The following SLC7A1 variants were observed in gnomAD, a reference collection of about 807,000 sequenced individuals.
SLC7A1 encodes high affinity cationic amino acid transporter 1.
In SLC7A1, 10 loss-of-function variants were observed where a neutral mutation model predicts 53.9. The ratio of observed to expected loss-of-function variants is 0.19; its 90% confidence interval spans 0.11 to 0.31. SLC7A1 has a LOEUF of 0.31. SLC7A1 is among the 10% of genes least tolerant of loss of function. The pLI is 1.00. For missense variants in SLC7A1, 525 were observed against 827.2 expected, an observed-to-expected ratio of 0.63 and a Z score of 4.48; for synonymous variants, 342 against 338.7, an observed-to-expected ratio of 1.01 and a Z score of -0.11.
At position 29,511,518 on chromosome 13, in the gene SLC7A1, G is replaced by C. The variant is rs749691136; in HGVS notation, c.*2962C>G. Reference sequence around the variant, plus strand: ...TGTGAGCAGGGATGATAAGTAGAGTGGGGGGTGTGTAGAGGCCTGGTCTCC... The same window carrying C: ...TGTGAGCAGGGATGATAAGTAGAGTCGGGGGTGTGTAGAGGCCTGGTCTCC... On this transcript the variant is annotated 3_prime_UTR_variant, in exon 13 of 13. Coordinates refer to ENST00000380752, the MANE Select transcript of SLC7A1 (RefSeq NM_003045.5). 1.6e-4 allele frequency: 24 copies of C among 152,234 alleles called. No homozygotes were observed. Among genetic ancestry groups the C allele is most frequent in the Admixed American group, 5.2e-4 (8 of 15,286 alleles). 9.4% of individuals were successfully genotyped at this position (152,234 alleles called of 1,614,324 possible).
intron 2 of SLC7A1, 69 bp downstream of exon 2, chr13:29,553,692 T>C (rs757321393): frequency 5.9e-5 from 9 of 152,224 alleles, no homozygotes; most frequent in Non-Finnish European, 1.2e-4. Context: ...GCAGTCTAAA[T>C]GAATAACATA....
At chr13:29,556,380 ATTTTC>A (rs925016441) in intron 1 of SLC7A1, among the ~76,000 whole-genome samples, 1 of 151,770 alleles carries the variant, frequency 6.6e-6, no homozygotes, top group Non-Finnish European at 1.5e-5. Context: ...CTAAATTTTA[ATTTTC>A]TTTTTTTTTA....
At position 29,534,146 on chromosome 13, in the gene SLC7A1, CCTTT is replaced by C. The variant is rs1869299812; in HGVS notation, c.371-1168_371-1165del. Among the ~76,000 whole-genome samples, 4 of 152,298 alleles carry C rather than the reference CCTTT, an allele frequency of 2.6e-5. No homozygotes were observed. In the South Asian group the frequency reaches 8.3e-4, roughly 32 times the overall value. On this transcript the variant is annotated intron_variant, in intron 3 of 12. Coordinates refer to ENST00000380752, the MANE Select transcript of SLC7A1 (RefSeq NM_003045.5). ...TGCTCAGTGACAGGGGCTACCCCAG[CCTTT>C]CTTCCCAGCCTATCCACTCCCAATT...
At chr13:29,533,157 T>G (rs1869251834) in intron 3 of SLC7A1, among the ~76,000 whole-genome samples, 175 bp from the exon 4 acceptor site, 1 of 152,198 alleles carries the variant, frequency 6.6e-6, no homozygotes, top group Non-Finnish European at 1.5e-5. Flanking sequence ...CGACTAGTGC[T>G]AAGTGCGAGA....
At chr13:29,552,115 A>G (rs1014089735) in intron 2 of SLC7A1, among the ~76,000 whole-genome samples, 2 of 152,084 alleles carry the variant, frequency 1.3e-5, no homozygotes, top group African/African-American at 4.8e-5. Flanking sequence ...GAGCCTAAGT[A>G]TGTGTGCATT....
At chr13:29,588,906 C>G (rs1373325468) in intron 1 of SLC7A1, among the ~76,000 whole-genome samples, 1 of 152,232 alleles carries the variant, frequency 6.6e-6, no homozygotes, top group Non-Finnish European at 1.5e-5. Context: ...GTTCTCCTAA[C>G]TCTAACTGCC....
At chr13:29,580,131 G>A (rs1566276704) in intron 1 of SLC7A1, among the ~76,000 whole-genome samples, 1 of 152,148 alleles carries the variant, frequency 6.6e-6, no homozygotes, top group Non-Finnish European at 1.5e-5. Context: ...GGCAAAAAAT[G>A]TGGCCTGGAG....
At chr13:29,574,350 C>T (rs750866135) in intron 1 of SLC7A1, among the ~76,000 whole-genome samples, 1 of 152,238 alleles carries the variant, frequency 6.6e-6, no homozygotes, top group Non-Finnish European at 1.5e-5. Flanking sequence ...GCTGAAAGTA[C>T]ATTTTTTATT....
intron 1 of SLC7A1, among the ~76,000 whole-genome samples, chr13:29,585,662 C>T (rs998777995): frequency 1.1e-4 from 16 of 152,158 alleles, no homozygotes; most frequent in African/African-American, 3.9e-4. Context: ...TTTCCCAGCA[C>T]CGGGCTTCCA....
chr13:29,519,657 C>T lies in SLC7A1; in HGVS notation c.1190-108G>A. ...AGGGCAGCGAAGGGGGCTGCTTTTA[C>T]TCCCACCCCCTCCCTGGCCTTCCCA... On this transcript the variant is annotated intron_variant, in intron 8 of 12. Coordinates refer to ENST00000380752, the MANE Select transcript of SLC7A1 (RefSeq NM_003045.5). 3.2e-6 allele frequency: 2 copies of T among 616,442 alleles called. 1 individual carries two copies. The allele number at this position is 616,442 out of a possible 1,614,324, so 38.2% of individuals were successfully genotyped here.
Position 29,535,196 on chromosome 13 carries a change from C to T in SLC7A1, c.370+623G>A, listed in dbSNP as rs115563486. Among the ~76,000 whole-genome samples the T allele has an allele frequency of 5.0e-3, 766 of 152,260 alleles. 10 individuals carry two copies. The highest frequency in any genetic ancestry group is 0.017 in the African/African-American group (712 of 41,548). On this transcript the variant is annotated intron_variant, in intron 3 of 12. Coordinates refer to ENST00000380752, the MANE Select transcript of SLC7A1 (RefSeq NM_003045.5). ...AATTAACTGTTAATAACAACAGCAA[C>T]AACATAATGGAAACAATCTGAACAT...
chr13:29,514,823 C>T (rs1403830060), intron 12 of SLC7A1, among the ~76,000 whole-genome samples: 1 of 152,248 alleles, frequency 6.6e-6, no homozygotes, highest in African/African-American at 2.4e-5. Context: ...CCTTATGCTG[C>T]GGTGTTTCCT....
chr13:29,578,973 G>A (rs1329739106), intron 1 of SLC7A1, among the ~76,000 whole-genome samples: 1 of 152,168 alleles, frequency 6.6e-6, no homozygotes, highest in Non-Finnish European at 1.5e-5. Flanking sequence ...TCCCTCAGGA[G>A]GGCAGAAGAG....
intron 1 of SLC7A1, among the ~76,000 whole-genome samples, chr13:29,574,847 T>C (rs1379778680): frequency 1.3e-5 from 2 of 152,096 alleles, no homozygotes; most frequent in African/African-American, 2.4e-5. Context: ...GGTTTCACCA[T>C]GTTGGCCAGG....
chr13:29,584,741 C>T (rs1390441621), intron 1 of SLC7A1, among the ~76,000 whole-genome samples: 2 of 152,064 alleles, frequency 1.3e-5, no homozygotes, highest in Non-Finnish European at 2.9e-5. Context: ...AAAAAACATT[C>T]AAGCATTTCT....
At chr13:29,560,538 G>GT (rs1246325058) in intron 1 of SLC7A1, among the ~76,000 whole-genome samples, 1 of 150,890 alleles carries the variant, frequency 6.6e-6, no homozygotes, top group Non-Finnish European at 1.5e-5. Flanking sequence ...CTATTACATA[G>GT]TAAAAACCCA....
intron 1 of SLC7A1, among the ~76,000 whole-genome samples, chr13:29,588,403 G>C (rs1431232313): frequency 6.6e-6 from 1 of 152,148 alleles, no homozygotes; most frequent in East Asian, 1.9e-4. Context: ...AGTTTGTGTG[G>C]GGTGGAGAGA....
At chr13:29,571,731 CG>C (rs1231671588) in intron 1 of SLC7A1, among the ~76,000 whole-genome samples, 1 of 152,218 alleles carries the variant, frequency 6.6e-6, no homozygotes, top group African/African-American at 2.4e-5. Context: ...AGTCCAGAGC[CG>C]CTTTCCTCCT....
At chr13:29,541,295 A>C (rs1024621775) in intron 2 of SLC7A1, among the ~76,000 whole-genome samples, 5 of 152,206 alleles carry the variant, frequency 3.3e-5, no homozygotes, top group Non-Finnish European at 7.3e-5. Context: ...GAGGTAAGGA[A>C]GAGACAGAAC....
Sources: allele counts gnomAD v4.1 joint callset (sites outside exome capture counted in the v4.1 genomes callset), GRCh38; gene constraint gnomAD v4.1.1; transcripts MANE v1.5; gene names NCBI Gene and HGNC (gene_info 2026-07-23, HGNC 2026-07-21).